Variants in SLC25A15 observed in about 807,000 individuals in gnomAD.
SLC25A15 encodes mitochondrial ornithine transporter 1.
In SLC25A15, 24 loss-of-function variants were observed where a neutral mutation model predicts 32.3. The observed-to-expected ratio is 0.74, with a 90% CI of 0.54 to 1.04. The LOEUF (loss-of-function observed/expected upper bound fraction) is 1.04, where lower values mean the gene tolerates loss of function less well. Among genes scored for constraint, SLC25A15 ranks in the 50% least tolerant of loss-of-function variants. SLC25A15 has a pLI of 0.00. For synonymous variants in SLC25A15, 132 were observed against 142.1 expected (o/e 0.93, Z 0.51); for missense variants, 317 against 374.5 (o/e 0.85, Z 1.27).
chr13:40,789,918 G>A (rs1222782806), intron 1 of SLC25A15, among the ~76,000 whole-genome samples: 1 of 152,212 alleles, frequency 6.6e-6, no homozygotes, highest in Non-Finnish European at 1.5e-5. Context: ...TGGCTGCGGG[G>A]CTCCGCGCCT....
Position 40,810,848 on chromosome 13 carries a change from T to C in SLC25A15, c.*1181T>C, listed in dbSNP as rs771941464. The C allele has an allele frequency of 1.1e-5, 6 of 534,796 alleles. No homozygotes were observed. The highest frequency in any genetic ancestry group is 3.9e-5 in the Admixed American group (2 of 51,616). The allele number at this position is 534,796 out of a possible 1,614,324, so 33.1% of individuals were successfully genotyped here. A position where few individuals can be genotyped will look rare whatever the true frequency, so the allele number is the denominator to read the frequency against. The stretch of plus-strand genomic sequence containing the variant: ...TGTGGCTAGCAACAGCGCTTACCTT[T>C]TGTCTCTGGGTCCTGGCCTGGGGCC... On this transcript the variant is annotated 3_prime_UTR_variant, in exon 7 of 7. Coordinates refer to ENST00000338625, the MANE Select transcript of SLC25A15 (RefSeq NM_014252.4).
Position 40,805,122 on chromosome 13 carries a change from C to A in SLC25A15, c.319C>A (p.Leu107Met), listed in dbSNP as rs1360500885. 1 of 1,613,976 alleles carries A rather than the reference C, an allele frequency of 6.2e-7. No homozygotes were observed. Among genetic ancestry groups the A allele is most frequent in the Non-Finnish European group, 8.5e-7 (1 of 1,179,994 alleles). Residue 107 changes from leucine to methionine, a missense_variant, in exon 4 of 7, where the codon CTG becomes ATG. Leu to Met is a conservative substitution (Grantham distance 15). Coordinates refer to ENST00000338625, the MANE Select transcript of SLC25A15 (RefSeq NM_014252.4). ...GLDKQAKLSDLQNAAAGSFAS... is the reference protein window; with the variant it reads ...GLDKQAKLSDMQNAAAGSFAS... ...TGTCTGCTTGTGTGCTTTCAGTGATCTGCAGAATGCAGCCGCCGGTTCCTT... is the reference window on the plus strand; with the variant it reads ...TGTCTGCTTGTGTGCTTTCAGTGATATGCAGAATGCAGCCGCCGGTTCCTT...
intron 1 of SLC25A15, among the ~76,000 whole-genome samples, chr13:40,792,474 C>G (rs74044577): frequency 6.6e-6 from 1 of 152,212 alleles, no homozygotes; most frequent in Non-Finnish European, 1.5e-5. Flanking sequence ...TCTGTGGTGA[C>G]GGGAAGATGT....
intron 1 of SLC25A15, among the ~76,000 whole-genome samples, chr13:40,791,183 A>G (rs1390739887): frequency 6.6e-6 from 1 of 151,948 alleles, no homozygotes; most frequent in Non-Finnish European, 1.5e-5. Context: ...CAGGCCTGAA[A>G]AGACAGGACT....
At chr13:40,792,051 G>A (rs762544095) in intron 1 of SLC25A15, among the ~76,000 whole-genome samples, 3 of 152,144 alleles carry the variant, frequency 2.0e-5, no homozygotes, top group East Asian at 1.9e-4. Flanking sequence ...TACTAACACC[G>A]TTTGAAAACT....
rs577768238 is a variant in SLC25A15 at position 40,810,838 on chromosome 13, C to T, written c.*1171C>T. 49 of 534,796 alleles carry T rather than the reference C, an allele frequency of 9.2e-5. No homozygotes were observed. The highest frequency in any genetic ancestry group is 3.2e-4 in the Middle Eastern group (1 of 3,136). The allele number at this position is 534,796 out of a possible 1,614,324, so 33.1% of individuals were successfully genotyped here. A position where few individuals can be genotyped will look rare whatever the true frequency, so the allele number is the denominator to read the frequency against. The stretch of plus-strand genomic sequence containing the variant: ...TGAAGACCCATGTGGCTAGCAACAG[C>T]GCTTACCTTTTGTCTCTGGGTCCTG... On this transcript the variant is annotated 3_prime_UTR_variant, in exon 7 of 7. Transcript: ENST00000338625.
chr13:40,807,195 C>A, intron 4 of SLC25A15, 99 bp from the exon 5 acceptor site: 1 of 1,090,634 alleles, frequency 9.2e-7, no homozygotes, highest in Non-Finnish European at 1.4e-6. Context: ...TTCTTCCTTA[C>A]TAGTGCTTGA....
intron 3 of SLC25A15, among the ~76,000 whole-genome samples, chr13:40,802,983 C>G (rs1309592528): frequency 1.3e-5 from 2 of 152,096 alleles, no homozygotes; most frequent in African/African-American, 4.8e-5. Context: ...TTGGAAATCT[C>G]TGAGGGTGAT....
chr13:40,795,646 G>C (rs1311268222), intron 2 of SLC25A15, among the ~76,000 whole-genome samples: 1 of 152,130 alleles, frequency 6.6e-6, no homozygotes, highest in Non-Finnish European at 1.5e-5. Context: ...TTCCTGGGGG[G>C]ACAGGATAGG....
intron 3 of SLC25A15, chr13:40,802,321 G>A (rs542303452): frequency 1.3e-5 from 2 of 152,208 alleles, no homozygotes; most frequent in Admixed American, 1.3e-4. Context: ...TTGTGTACCT[G>A]GTTCTCCTTT....
chr13:40,810,273 C>G lies in SLC25A15; in HGVS notation c.*606C>G, dbSNP rs555003166. Among the ~76,000 whole-genome samples the G allele has an allele frequency of 1.7e-3, 253 of 152,330 alleles. 1 individual carries two copies. Among genetic ancestry groups the G allele is most frequent in the African/African-American group, 5.7e-3 (237 of 41,572 alleles). ...TCCTGGGTTCAAGCGATTCTCTCAC[C>G]TCAGCCTCCTGAGTAGCTGGGATTA... On this transcript the variant is annotated 3_prime_UTR_variant, in exon 7 of 7. Coordinates refer to ENST00000338625, the MANE Select transcript of SLC25A15 (RefSeq NM_014252.4).
Position 40,799,166 on chromosome 13 carries a change from C to T in SLC25A15, c.165C>T (p.Tyr55=). ...TCACCGACTGCTGCCTGAAGACTTACTCCCAGGTGGGCTTCCGTGGCTTCT... is the reference window on the plus strand; with the variant it reads ...TCACCGACTGCTGCCTGAAGACTTATTCCCAGGTGGGCTTCCGTGGCTTCT... The part of the protein sequence containing the change: ...RGLTDCCLKT[Y]SQVGFRGFYK... The change falls in exon 3 of 7, where the codon TAC becomes TAT. Residue 55 remains tyrosine (Y), a synonymous_variant. Coordinates refer to ENST00000338625, the MANE Select transcript of SLC25A15 (RefSeq NM_014252.4). The T allele has an allele frequency of 6.2e-7, 1 of 1,614,230 alleles. No homozygotes were observed. The highest frequency in any genetic ancestry group is 1.1e-5 in the South Asian group (1 of 91,088).
Position 40,810,481 on chromosome 13 carries a change from A to G in SLC25A15, c.*814A>G, listed in dbSNP as rs1305830717. ...CCCAGCCAGTGGTTGAATTTTTTAA[A>G]AAGTGTTCATGGGGTGCTTGAAAAC... On this transcript the variant is annotated 3_prime_UTR_variant, in exon 7 of 7. Transcript: ENST00000338625. Among the ~76,000 whole-genome samples the G allele has an allele frequency of 6.6e-6, 1 of 152,134 alleles. No individual in the cohort carries two copies. Among genetic ancestry groups the G allele is most frequent in the Non-Finnish European group, 1.5e-5 (1 of 68,002 alleles).
At chr13:40,799,433 T>A in intron 3 of SLC25A15, 118 bp downstream of exon 3, 1 of 1,345,098 alleles carries the variant, frequency 7.4e-7, no homozygotes, top group Non-Finnish European at 1.0e-6. Flanking sequence ...GGAAAATGGC[T>A]TGAGGCTGAG....
chr13:40,793,107 G>T, intron 1 of SLC25A15, 51 bp from the exon 2 acceptor site: 2 of 1,011,582 alleles, frequency 2.0e-6, no homozygotes, highest in South Asian at 2.7e-5. Flanking sequence ...CAGGCCTAGA[G>T]AACAGGATGC....
intron 2 of SLC25A15, among the ~76,000 whole-genome samples, chr13:40,794,323 A>G (rs1240891748): frequency 6.6e-6 from 1 of 151,608 alleles, no homozygotes; most frequent in Non-Finnish European, 1.5e-5. Flanking sequence ...CTGGGCAACA[A>G]CAGTGAAACT....
chr13:40,807,935 A>G (rs1335691429), intron 5 of SLC25A15, among the ~76,000 whole-genome samples: 1 of 152,182 alleles, frequency 6.6e-6, no homozygotes, highest in Non-Finnish European at 1.5e-5. Context: ...TTTTCTTACC[A>G]TCTCCCTCAG....
At position 40,811,488 on chromosome 13, in the gene SLC25A15, CA is replaced by C. The variant is rs560954922; in HGVS notation, c.*1832del. 2.8e-4 allele frequency among the ~76,000 whole-genome samples: 40 copies of C among 141,754 alleles called. No individual in the cohort carries two copies. Among genetic ancestry groups the C allele is most frequent in the East Asian group, 4.2e-4 (2 of 4,804 alleles). 93.0% of individuals were successfully genotyped at this position (141,754 alleles called of 152,430 possible). A position where few individuals can be genotyped will look rare whatever the true frequency, so the allele number is the denominator to read the frequency against. On this transcript the variant is annotated 3_prime_UTR_variant, in exon 7 of 7. Transcript: ENST00000338625. ...TGGGTGACACAGCGAGACTTCATCT[CA>C]AAAAAAAAAAGAAAAGAAAAGCAAT...
rs1162288835 is a variant in SLC25A15 at position 40,808,696 on chromosome 13, G to C, written c.781+100G>C. ...TGCCTGTGATCCCAGCACTTTGGGA[G>C]GCTGAGGCAGGTGGATCATGAGGTC... On this transcript the variant is annotated intron_variant, in intron 6 of 6. Transcript: ENST00000338625. The C allele has an allele frequency of 4.0e-6, 4 of 992,942 alleles. No homozygotes were observed. In the Admixed American group the frequency reaches 7.8e-5, roughly 19 times the overall value. The allele number at this position is 992,942 out of a possible 1,614,324, so 61.5% of individuals were successfully genotyped here. A position where few individuals can be genotyped will look rare whatever the true frequency, so the allele number is the denominator to read the frequency against.
Sources: gnomAD v4.1 joint callset for allele counts (sites outside exome capture counted in the v4.1 genomes callset) on GRCh38, gnomAD v4.1.1 for gene constraint, MANE v1.5 for transcripts, NCBI Gene and HGNC (gene_info 2026-07-23, HGNC 2026-07-21) for gene names.